PRMT7: variants seen among roughly 807,000 people sequenced by gnomAD.
PRMT7 encodes protein arginine methyltransferase 7, also known as protein arginine N-methyltransferase 7.
Under a neutral mutation model 85.4 loss-of-function variants are expected in PRMT7, and 75 were observed. The ratio of observed to expected loss-of-function variants is 0.88; its 90% CI spans 0.73 to 1.06. The LOEUF is 1.06. Ranked by LOEUF, PRMT7 falls within the 50% of genes least tolerant of loss-of-function variation. PRMT7 has a pLI of 0.00. For missense variants in PRMT7, 868 were observed against 915.2 expected (o/e 0.95, Z 0.67); for synonymous variants, 397 against 359.5 (o/e 1.10, Z -1.18).
chr16:68,357,329 G>C lies in PRMT7; in HGVS notation c.*105G>C. ...CTCCTCTCCTCTCTGGGAGCTGCTCGGCCTCAGGGATGGGAAAGACTGCGC... is the reference window on the plus strand; with the variant it reads ...CTCCTCTCCTCTCTGGGAGCTGCTCCGCCTCAGGGATGGGAAAGACTGCGC... On this transcript the variant is annotated 3_prime_UTR_variant, in exon 19 of 19. Transcript: ENST00000441236. 1.6e-6 allele frequency: 2 copies of C among 1,268,370 alleles called. No homozygotes were observed. The highest frequency in any genetic ancestry group is 5.0e-5 in the Admixed American group (2 of 40,388). The allele number at this position is 1,268,370 out of a possible 1,614,324, so 78.6% of individuals were successfully genotyped here.
intron 14 of PRMT7, among the ~76,000 whole-genome samples, chr16:68,349,134 C>T (rs934544173): frequency 6.6e-6 from 1 of 152,154 alleles, no homozygotes; most frequent in African/African-American, 2.4e-5. Flanking sequence ...GTTACTCCCA[C>T]GGTCTCCCTG....
chr16:68,345,615 G>T, intron 9 of PRMT7, 60 bp from the exon 10 acceptor site: 1 of 1,605,114 alleles, frequency 6.2e-7, no homozygotes, highest in Non-Finnish European at 8.5e-7. Flanking sequence ...TTTGGCTCCT[G>T]GATTAGAAGC....
chr16:68,313,579 T>C (rs1351499372), intron 2 of PRMT7, among the ~76,000 whole-genome samples: 2 of 152,172 alleles, frequency 1.3e-5, no homozygotes, highest in Non-Finnish European at 2.9e-5. Flanking sequence ...TTTTAAGCCT[T>C]CCTTGAACAT....
chr16:68,349,727 CTA>C (rs2086990161), intron 14 of PRMT7, among the ~76,000 whole-genome samples: 1 of 151,788 alleles, frequency 6.6e-6, no homozygotes, highest in African/African-American at 2.4e-5. Flanking sequence ...GACCCTGTCT[CTA>C]TAAAAACAAA....
rs1013070329 is a variant in PRMT7, at chr16:68,358,461, G to T, written c.*1237G>T. ...TTTTTCTTCTAGGGAAGAACCGTCT[G>T]GATATATATTTGATAATGTTTTTAC... On this transcript the variant is annotated 3_prime_UTR_variant, in exon 19 of 19. Coordinates refer to ENST00000441236, the MANE Select transcript of PRMT7 (RefSeq NM_019023.5). 1.3e-5 allele frequency: 2 copies of T among 152,652 alleles called. No homozygotes were observed. The highest frequency in any genetic ancestry group is 2.9e-5 in the Non-Finnish European group (2 of 68,032). The allele number at this position is 152,652 out of a possible 1,614,324, so 9.5% of individuals were successfully genotyped here.
intron 7 of PRMT7, among the ~76,000 whole-genome samples, chr16:68,338,585 G>A (rs1219371726): frequency 1.3e-5 from 2 of 152,128 alleles, no homozygotes; most frequent in Non-Finnish European, 2.9e-5. Context: ...CACAGCCTGG[G>A]GAAGGCAGCG....
chr16:68,311,369 G>T (rs1364080552), intron 1 of PRMT7: 2 of 282,508 alleles, frequency 7.1e-6, no homozygotes, highest in African/African-American at 4.6e-5. Context: ...AGAGACCGCA[G>T]TAGCTCCAAC....
chr16:68,341,029 C>T (rs1452278313), intron 9 of PRMT7, among the ~76,000 whole-genome samples: 1 of 152,126 alleles, frequency 6.6e-6, no homozygotes, highest in Non-Finnish European at 1.5e-5. Context: ...GTGTGGTGTA[C>T]ATATAAGGAG....
chr16:68,343,962 A>G (rs1460018979), intron 9 of PRMT7, among the ~76,000 whole-genome samples: 1 of 152,180 alleles, frequency 6.6e-6, no homozygotes, highest in African/African-American at 2.4e-5. Flanking sequence ...GAGTTGAGCC[A>G]GGCATCTCCT....
At chr16:68,315,804 T>TC (rs773794666) in intron 2 of PRMT7, 93 bp from the exon 3 acceptor site, 8 of 622,328 alleles carry the variant, frequency 1.3e-5, no homozygotes, top group Non-Finnish European at 2.3e-5. Context: ...TGTCTCCCCT[T>TC]CCCCCCTCCA....
chr16:68,317,402 T>G (rs1445740641), intron 3 of PRMT7, among the ~76,000 whole-genome samples: 1 of 152,020 alleles, frequency 6.6e-6, no homozygotes, highest in Non-Finnish European at 1.5e-5. Context: ...CAGGTAAGCT[T>G]TCAGATGAGC....
At chr16:68,330,523 C>G (rs2083716492) in intron 6 of PRMT7, among the ~76,000 whole-genome samples, 1 of 152,084 alleles carries the variant, frequency 6.6e-6, no homozygotes. Flanking sequence ...CTAAGGTCAA[C>G]ATTATTCTCC....
chr16:68,357,246 G>GC lies in PRMT7; in HGVS notation c.*24dup, dbSNP rs756626110. ...CTGACCACTCTTGAGCAATAAAGTG[G>GC]CCTGAGGGCTGGGGTTCTGAGTGGC... On this transcript the variant is annotated 3_prime_UTR_variant, in exon 19 of 19. Coordinates refer to ENST00000441236, the MANE Select transcript of PRMT7 (RefSeq NM_019023.5). 1.3e-6 allele frequency: 2 copies of GC among 1,593,526 alleles called. No individual in the cohort carries two copies. The highest frequency in any genetic ancestry group is 3.4e-5 in the Admixed American group (2 of 57,972).
intron 13 of PRMT7, 70 bp from the exon 14 acceptor site, chr16:68,348,272 G>C: frequency 1.5e-6 from 2 of 1,296,426 alleles, no homozygotes; most frequent in South Asian, 2.6e-5. Flanking sequence ...GCAACTTTGA[G>C]AGATTTTTTT....
At chr16:68,311,354 G>C in intron 1 of PRMT7, 1 of 294,572 alleles carries the variant, frequency 3.4e-6, no homozygotes, top group South Asian at 2.9e-5. Flanking sequence ...CCTCCCCTCA[G>C]CCACAGAGAC....
At chr16:68,321,738 A>G (rs2082522049) in intron 4 of PRMT7, 1 of 326,710 alleles carries the variant, frequency 3.1e-6, no homozygotes, top group Admixed American at 4.8e-5. Flanking sequence ...AAAATGATTG[A>G]ATCAAGCTAA....
rs553546981 is a variant in PRMT7, at chr16:68,347,514, C to T, written c.1276-117C>T. ...GGCTGCCCCAGGGAGGGAATGAGGG[C>T]AGGGAGGGTTGTTCAGGTGTGTCCT... On this transcript the variant is annotated intron_variant, in intron 12 of 18. Coordinates refer to ENST00000441236, the MANE Select transcript of PRMT7 (RefSeq NM_019023.5). The T allele has an allele frequency of 9.2e-4, 1,099 of 1,192,876 alleles. 2 individuals carry two copies. Among genetic ancestry groups the T allele is most frequent in the Non-Finnish European group, 1.2e-3 (988 of 818,120 alleles). 73.9% of individuals were successfully genotyped at this position (1,192,876 alleles called of 1,614,324 possible). A position where few individuals can be genotyped will look rare whatever the true frequency, so the allele number is the denominator to read the frequency against.
At chr16:68,341,688 G>A (rs549468729) in intron 9 of PRMT7, among the ~76,000 whole-genome samples, 3 of 152,196 alleles carry the variant, frequency 2.0e-5, no homozygotes, top group Admixed American at 6.5e-5. Context: ...GATTACAGGC[G>A]TGAGCCGCTA....
At chr16:68,335,885 T>G (rs1375557935) in intron 6 of PRMT7, among the ~76,000 whole-genome samples, 3 of 151,902 alleles carry the variant, frequency 2.0e-5, no homozygotes, top group African/African-American at 7.3e-5. Context: ...TAAGTGATTC[T>G]CCTGCCTCAG....
Sources: allele counts gnomAD v4.1 joint callset (sites outside exome capture counted in the v4.1 genomes callset), GRCh38; gene constraint gnomAD v4.1.1; transcripts MANE v1.5; gene names NCBI Gene and HGNC (gene_info 2026-07-23, HGNC 2026-07-21).